The following CNTNAP3B variants were observed in gnomAD, a reference collection of about 807,000 sequenced individuals.
CNTNAP3B encodes contactin associated protein family member 3B.
In CNTNAP3B, 25 loss-of-function variants were observed where a neutral mutation model predicts 108.9. That is an observed-to-expected ratio of 0.23 (90% CI 0.17 to 0.32). The LOEUF (loss-of-function observed/expected upper bound fraction) is 0.32, where lower values mean the gene tolerates loss of function less well. Among genes scored for constraint, CNTNAP3B ranks in the 10% least tolerant of loss-of-function variants. The pLI, the probability that CNTNAP3B is intolerant of heterozygous loss-of-function variation, is 1.00. For missense variants in CNTNAP3B, 252 were observed against 1,210.4 expected, an observed-to-expected ratio of 0.21 and a Z score of 11.75; for synonymous variants, 103 against 473.4, an observed-to-expected ratio of 0.22 and a Z score of 10.16.
intron 9 of CNTNAP3B, among the ~76,000 whole-genome samples, chr9:41,977,620 C>CT (rs1174385380): frequency 0.013 from 1,485 of 116,564 alleles, 135 homozygotes; most frequent in African/African-American, 0.044. Context: ...TGAATTTTAC[C>CT]TTTTTTTTTT....
intron 13 of CNTNAP3B, among the ~76,000 whole-genome samples, chr9:41,948,614 C>T (rs1400357176): frequency 6.6e-6 from 1 of 151,928 alleles, no homozygotes; most frequent in Middle Eastern, 3.4e-3. Context: ...AAATCAAACA[C>T]ATTAGAAATG....
chr9:42,035,660 AT>A (rs1160147267), intron 3 of CNTNAP3B, among the ~76,000 whole-genome samples: 56 of 150,682 alleles, frequency 3.7e-4, no homozygotes, highest in Middle Eastern at 3.4e-3. Context: ...TTACTTACAT[AT>A]TTTTTATTGT....
chr9:41,928,763 T>C (rs1320644059), intron 15 of CNTNAP3B, among the ~76,000 whole-genome samples: 2 of 142,790 alleles, frequency 1.4e-5, no homozygotes, highest in Non-Finnish European at 3.0e-5. Context: ...TTAGTTGTGG[T>C]TCCCGTGCTA....
chr9:42,118,813 G>T (rs1375664442), intron 1 of CNTNAP3B, among the ~76,000 whole-genome samples: 1 of 103,578 alleles, frequency 9.7e-6, no homozygotes, highest in Non-Finnish European at 1.9e-5. Flanking sequence ...AAGCTGATAA[G>T]CAACTTCAGC....
intron 14 of CNTNAP3B, among the ~76,000 whole-genome samples, chr9:41,931,705 T>C (rs1588047027): frequency 6.6e-6 from 1 of 150,460 alleles, no homozygotes; most frequent in Non-Finnish European, 1.5e-5. Context: ...GTAGACAAGC[T>C]AGAAATATGT....
At chr9:41,923,848 T>C (rs1169797668) in intron 16 of CNTNAP3B, 75 bp downstream of exon 16, 1 of 1,568,590 alleles carries the variant, frequency 6.4e-7, no homozygotes, top group East Asian at 2.2e-5. Flanking sequence ...AATGAAATAC[T>C]ACCATTTTGT....
chr9:42,080,702 G>A (rs1404047484), intron 2 of CNTNAP3B, among the ~76,000 whole-genome samples: 1 of 111,922 alleles, frequency 8.9e-6, no homozygotes, highest in Admixed American at 9.2e-5. Flanking sequence ...TTGGGAGTGA[G>A]GGGATTAACA....
At chr9:42,127,375 T>A (rs1828595378) in intron 1 of CNTNAP3B, among the ~76,000 whole-genome samples, 1 of 139,430 alleles carries the variant, frequency 7.2e-6, no homozygotes, top group South Asian at 2.3e-4. Context: ...CAACTAATCC[T>A]GAGAATAAAA....
At chr9:41,934,140 TACAC>T (rs1313208567) in intron 14 of CNTNAP3B, among the ~76,000 whole-genome samples, 26 of 113,310 alleles carry the variant, frequency 2.3e-4, no homozygotes, top group Middle Eastern at 5.5e-3. Context: ...CATATATATA[TACAC>T]ACACATATAT....
chr9:42,070,798 C>A (rs1340639670), intron 3 of CNTNAP3B, among the ~76,000 whole-genome samples: 2 of 152,256 alleles, frequency 1.3e-5, no homozygotes, highest in South Asian at 2.1e-4. Context: ...TCCAGTCAGG[C>A]CCGGAAAATA....
At chr9:41,946,001 A>G (rs957456311) in intron 13 of CNTNAP3B, among the ~76,000 whole-genome samples, 10 of 152,414 alleles carry the variant, frequency 6.6e-5, no homozygotes, top group South Asian at 4.1e-4. Flanking sequence ...AAAGGGCATT[A>G]CACAATAATA....
intron 15 of CNTNAP3B, among the ~76,000 whole-genome samples, chr9:41,928,043 G>GA (rs1190040062): frequency 2.0e-5 from 3 of 152,044 alleles, no homozygotes; most frequent in East Asian, 3.8e-4. Context: ...TTTCATTTTA[G>GA]AAAAAAATAA....
intron 17 of CNTNAP3B, among the ~76,000 whole-genome samples, chr9:41,922,145 T>C (rs1266432169): frequency 7.3e-6 from 1 of 137,372 alleles, no homozygotes; most frequent in East Asian, 2.0e-4. Flanking sequence ...TGTAAACAGA[T>C]GACAATACCT....
At chr9:42,063,280 CTT>C (rs1587240611) in intron 3 of CNTNAP3B, among the ~76,000 whole-genome samples, 1 of 128,398 alleles carries the variant, frequency 7.8e-6, no homozygotes, top group East Asian at 2.6e-4. Flanking sequence ...GTCCTTTTCT[CTT>C]TTCCTTCTGT....
At chr9:41,943,609 C>T (rs1824432380) in intron 13 of CNTNAP3B, among the ~76,000 whole-genome samples, 1 of 150,800 alleles carries the variant, frequency 6.6e-6, no homozygotes. Context: ...GCCTCGGCCT[C>T]CCAAAGTGCT....
intron 3 of CNTNAP3B, among the ~76,000 whole-genome samples, chr9:42,020,637 C>T (rs1826295377): frequency 1.3e-5 from 2 of 148,614 alleles, no homozygotes; most frequent in Non-Finnish European, 1.5e-5. Flanking sequence ...TAAATGTCTG[C>T]TGTGTTGAAT....
At chr9:42,042,892 G>A (rs965585963) in intron 3 of CNTNAP3B, among the ~76,000 whole-genome samples, 1 of 142,242 alleles carries the variant, frequency 7.0e-6, no homozygotes, top group African/African-American at 2.7e-5. Context: ...CTAGGCCACA[G>A]AAACTAATTT....
At chr9:41,990,699 T>A (rs1404360622) in intron 8 of CNTNAP3B, among the ~76,000 whole-genome samples, 6 of 135,912 alleles carry the variant, frequency 4.4e-5, no homozygotes, top group African/African-American at 1.7e-4. Flanking sequence ...TTAGTTCCGA[T>A]GCCAATTTAG....
In CNTNAP3B at chr9:41,983,187, C is replaced by T. The variant is rs1220033730; in HGVS notation, c.1477+2981G>A. ...AAACCTGCACATGTATACCTCTGAA[C>T]CTAAAATAAGTTTAAAAAAAAAAGA... On this transcript the variant is annotated intron_variant, in intron 9 of 23. Coordinates refer to ENST00000377561, the MANE Select transcript of CNTNAP3B (RefSeq NM_001201380.3). 1.5e-5 allele frequency: 2 copies of T among 137,084 alleles called. 1 individual carries two copies. Among genetic ancestry groups the T allele is most frequent in the African/African-American group, 5.9e-5 (2 of 34,162 alleles). 8.5% of individuals were successfully genotyped at this position (137,084 alleles called of 1,614,324 possible). A position where few individuals can be genotyped will look rare whatever the true frequency, so the allele number is the denominator to read the frequency against.
Sources: gnomAD v4.1 joint callset for allele counts (sites outside exome capture counted in the v4.1 genomes callset) on GRCh38, gnomAD v4.1.1 for gene constraint, MANE v1.5 for transcripts, NCBI Gene and HGNC (gene_info 2026-07-23, HGNC 2026-07-21) for gene names.